Variants in HSD17B3 observed in about 807,000 individuals in gnomAD.
The protein encoded by HSD17B3 is hydroxysteroid 17-beta dehydrogenase 3.
In HSD17B3, 29 loss-of-function variants were observed where a neutral mutation model predicts 41.1. The ratio of observed to expected loss-of-function variants is 0.71; its 90% CI spans 0.53 to 0.96. HSD17B3 has a LOEUF of 0.96. Ranked by LOEUF, HSD17B3 falls within the 40% of genes least tolerant of loss-of-function variation. The probability of loss-of-function intolerance (pLI) is 0.00; values close to 1 mark genes in which losing one functional copy is unlikely to be tolerated. For missense variants in HSD17B3, 323 were observed against 374.6 expected, an observed-to-expected ratio of 0.86 and a Z score of 1.14; for synonymous variants, 126 against 145.6, an observed-to-expected ratio of 0.87 and a Z score of 0.97.
At position 96,302,114 on chromosome 9, in the gene HSD17B3, C is replaced by G. The variant is rs2066484; in HGVS notation, c.-10G>C. On this transcript the variant is annotated 5_prime_UTR_variant, in exon 1 of 11. Coordinates refer to ENST00000375263, the MANE Select transcript of HSD17B3 (RefSeq NM_000197.2). ...CCAGGACGTCCCCCATGGCTGCACT[C>G]AACAGACTGTTTCAGCCCTGGCCGT... 19,908 of 1,613,866 alleles carry G rather than the reference C, an allele frequency of 0.012. 359 individuals carry two copies. Among genetic ancestry groups the G allele is most frequent in the South Asian group, 0.061 (5,512 of 91,030 alleles).
At chr9:96,241,961 AAAAGAAAGAAAGAAAG>A (rs10639612) in intron 9 of HSD17B3, among the ~76,000 whole-genome samples, 9 of 100,696 alleles carry the variant, frequency 8.9e-5, no homozygotes, top group East Asian at 8.1e-4. Flanking sequence ...AAAGAACAGA[AAAAGAAAGAAAGAAAG>A]AAAGAAAGAA....
chr9:96,246,112 G>A (rs7873481), intron 7 of HSD17B3, among the ~76,000 whole-genome samples: 1 of 152,168 alleles, frequency 6.6e-6, no homozygotes, highest in Admixed American at 6.5e-5. Flanking sequence ...TCCCAAATGG[G>A]CATTGGAATA....
chr9:96,268,428 G>A (rs940692583), intron 2 of HSD17B3, among the ~76,000 whole-genome samples: 14 of 151,952 alleles, frequency 9.2e-5, no homozygotes, highest in African/African-American at 3.4e-4. Context: ...CAAAACTGGT[G>A]CAAGAAAAAA....
intron 10 of HSD17B3, among the ~76,000 whole-genome samples, chr9:96,238,933 G>T (rs1347584601): frequency 1.3e-5 from 2 of 152,224 alleles, no homozygotes; most frequent in African/African-American, 2.4e-5. Context: ...CTGAGATTTG[G>T]TTTTTCCAGC....
chr9:96,275,624 AAG>A (rs1338130423), intron 2 of HSD17B3, among the ~76,000 whole-genome samples: 2 of 152,022 alleles, frequency 1.3e-5, no homozygotes, highest in African/African-American at 2.4e-5. Context: ...CAAAAACACA[AAG>A]AGGGGAGAAC....
intron 2 of HSD17B3, among the ~76,000 whole-genome samples, chr9:96,270,934 A>C (rs1226870558): frequency 1.5e-5 from 2 of 133,476 alleles, no homozygotes; most frequent in Non-Finnish European, 3.2e-5. Flanking sequence ...GTGTAGTGAG[A>C]AGATCTCTCA....
chr9:96,292,751 T>C (rs929800351), intron 2 of HSD17B3, among the ~76,000 whole-genome samples: 3 of 152,098 alleles, frequency 2.0e-5, no homozygotes, highest in Non-Finnish European at 4.4e-5. Flanking sequence ...ATTTAAACTT[T>C]TGAAAAATAA....
In HSD17B3 at chr9:96,290,456, C is replaced by CTCT. The variant is rs1554703272; in HGVS notation, c.201+7959_201+7960insAGA. 3.8e-5 allele frequency among the ~76,000 whole-genome samples: 3 copies of CTCT among 78,418 alleles called. No homozygotes were observed. In the East Asian group the frequency reaches 1.5e-3, roughly 39 times the overall value. 51.4% of individuals were successfully genotyped at this position (78,418 alleles called of 152,430 possible). ...GAAGGGCACTGTGGTATTTCCTGGG[C>CTCT]TTTTTTTTTTTTTTTTTTTTTTTCC... On this transcript the variant is annotated intron_variant, in intron 2 of 10. Coordinates refer to ENST00000375263, the MANE Select transcript of HSD17B3 (RefSeq NM_000197.2).
intron 2 of HSD17B3, among the ~76,000 whole-genome samples, chr9:96,298,044 A>G (rs8190507): frequency 2.0e-5 from 3 of 152,214 alleles, no homozygotes; most frequent in African/African-American, 7.2e-5. Context: ...TAAGCAAGTG[A>G]CTTTTAAAAA....
intron 2 of HSD17B3, among the ~76,000 whole-genome samples, chr9:96,272,405 C>CTCTCTCTCTCTCTCTCTCTA (rs1239816824): frequency 1.9e-4 from 4 of 21,530 alleles, no homozygotes; most frequent in Non-Finnish European, 2.6e-4. Flanking sequence ...CTCTCTCTCT[C>CTCTCTCTCTCTCTCTCTCTA]TATATATATA....
At chr9:96,266,368 G>T (rs1396996354) in intron 2 of HSD17B3, among the ~76,000 whole-genome samples, 5 of 152,118 alleles carry the variant, frequency 3.3e-5, no homozygotes, top group African/African-American at 1.2e-4. Flanking sequence ...GACCTCCTGG[G>T]CTTAAGTGAT....
At chr9:96,276,734 C>A (rs1400429476) in intron 2 of HSD17B3, among the ~76,000 whole-genome samples, 2 of 152,156 alleles carry the variant, frequency 1.3e-5, no homozygotes, top group African/African-American at 2.4e-5. Flanking sequence ...ACTTATCTCA[C>A]ACCGTATACA....
At chr9:96,259,691 A>G (rs1200587941) in intron 2 of HSD17B3, among the ~76,000 whole-genome samples, 1 of 151,192 alleles carries the variant, frequency 6.6e-6, no homozygotes, top group Non-Finnish European at 1.5e-5. Flanking sequence ...ATTGCACTCC[A>G]GCCTGGGCGA....
intron 1 of HSD17B3, among the ~76,000 whole-genome samples, chr9:96,301,413 C>T (rs1463754137): frequency 2.5e-5 from 2 of 80,018 alleles, no homozygotes; most frequent in East Asian, 6.3e-4. Context: ...CCTGTCTCTA[C>T]TAAAAATACA....
chr9:96,246,743 A>C (rs1836681886), intron 6 of HSD17B3, 153 bp from the exon 7 acceptor site: 1 of 726,456 alleles, frequency 1.4e-6, no homozygotes, highest in South Asian at 1.5e-5. Context: ...ATTGGAGGTC[A>C]CTCTGGCCAC....
At chr9:96,255,879 C>T (rs955981831) in intron 2 of HSD17B3, among the ~76,000 whole-genome samples, 12 of 152,148 alleles carry the variant, frequency 7.9e-5, no homozygotes, top group African/African-American at 2.9e-4. Flanking sequence ...AATGCCTGGA[C>T]TCCAGAGGGC....
chr9:96,278,788 T>C (rs1360518714), intron 2 of HSD17B3, among the ~76,000 whole-genome samples: 1 of 152,216 alleles, frequency 6.6e-6, no homozygotes, highest in East Asian at 1.9e-4. Context: ...ATGAGGACTG[T>C]AGGTACCCTC....
At chr9:96,277,861 ACACACACAC>A (rs1285799460) in intron 2 of HSD17B3, among the ~76,000 whole-genome samples, 1 of 152,008 alleles carries the variant, frequency 6.6e-6, no homozygotes, top group Non-Finnish European at 1.5e-5. Flanking sequence ...ACACACACAC[ACACACACAC>A]AATGGAATAT....
intron 2 of HSD17B3, among the ~76,000 whole-genome samples, chr9:96,261,384 C>T (rs748031156): frequency 6.6e-5 from 10 of 152,290 alleles, no homozygotes; most frequent in East Asian, 1.9e-4. Context: ...TTAGTGGAGA[C>T]GGGGTTTCGC....
Sources: allele counts gnomAD v4.1 joint callset (sites outside exome capture counted in the v4.1 genomes callset), GRCh38; gene constraint gnomAD v4.1.1; transcripts MANE v1.5; gene names NCBI Gene and HGNC (gene_info 2026-07-23, HGNC 2026-07-21).